Variants in STAMBPL1 observed in about 807,000 individuals in gnomAD.
STAMBPL1 encodes AMSH-like protease.
A neutral mutation model predicts 52.9 loss-of-function variants in STAMBPL1; 44 were observed. The ratio of observed to expected loss-of-function variants is 0.83; its 90% CI spans 0.65 to 1.07. The LOEUF is 1.07. Ranked by LOEUF, STAMBPL1 falls within the 50% of genes least tolerant of loss-of-function variation. The pLI, the probability that STAMBPL1 is intolerant of heterozygous loss-of-function variation, is 0.00. For missense variants in STAMBPL1, 511 were observed against 520.8 expected (o/e 0.98, Z 0.18); for synonymous variants, 164 against 177.3 (o/e 0.92, Z 0.60).
rs768230437 is a variant in STAMBPL1, at chr10:88,913,420, G to A, written c.740G>A (p.Arg247Lys). ...NYASHSPPVN[R>K]ALTPAATLSA... Reference sequence around the variant, plus strand: ...GCTAGCCACTCTCCTCCTGTAAACAGGGCCTTAACGCCAGCTGCTACTCTA... The same window carrying A: ...GCTAGCCACTCTCCTCCTGTAAACAAGGCCTTAACGCCAGCTGCTACTCTA... Residue 247 changes from arginine (R) to lysine (K), a missense_variant, in exon 6 of 11, where the codon AGG (arginine) becomes AAG (lysine). By Grantham distance (26) the Arg-to-Lys change is conservative. Transcript: ENST00000371926. The A allele has an allele frequency of 1.9e-6, 3 of 1,613,484 alleles. No homozygotes were observed. Among genetic ancestry groups the A allele is most frequent in the South Asian group, 2.2e-5 (2 of 91,040 alleles).
At chr10:88,896,987 G>A (rs12243282) in intron 1 of STAMBPL1, among the ~76,000 whole-genome samples, 8,246 of 152,222 alleles carry the variant, frequency 0.054, 578 homozygotes, top group African/African-American at 0.16. Flanking sequence ...TGCATTGTTT[G>A]CTGCTGATTT....
intron 1 of STAMBPL1, among the ~76,000 whole-genome samples, chr10:88,895,096 C>T (rs1844779985): frequency 6.6e-6 from 1 of 152,212 alleles, no homozygotes. Context: ...GCTCATTCCA[C>T]CCTTGGGTTC....
At chr10:88,913,548 A>C in intron 6 of STAMBPL1, 90 bp downstream of exon 6, 1 of 1,140,112 alleles carries the variant, frequency 8.8e-7, no homozygotes, top group Admixed American at 2.3e-5. Context: ...TTCTCATTTC[A>C]TTATTAATTG....
chr10:88,897,285 A>G (rs1844835907), intron 1 of STAMBPL1, among the ~76,000 whole-genome samples: 1 of 152,158 alleles, frequency 6.6e-6, no homozygotes, highest in Non-Finnish European at 1.5e-5. Context: ...GTTGGCCTCC[A>G]TGTGCTCATT....
Position 88,921,181 on chromosome 10 carries a change from T to C in STAMBPL1, c.1042-102T>C, listed in dbSNP as rs777609125. On this transcript the variant is annotated intron_variant, in intron 8 of 10. Transcript: ENST00000371926. ...TTTTTAAAAATCCTTATTTGATTAATGATGGTAAAAACTAAAAAAAAACAG... is the reference window on the plus strand; with the variant it reads ...TTTTTAAAAATCCTTATTTGATTAACGATGGTAAAAACTAAAAAAAAACAG... 121 of 824,808 alleles carry C rather than the reference T, an allele frequency of 1.5e-4. 2 individuals are homozygous for C. Among genetic ancestry groups the C allele is most frequent in the Admixed American group, 5.1e-4 (20 of 38,950 alleles). The allele number at this position is 824,808 out of a possible 1,614,324, so 51.1% of individuals were successfully genotyped here.
At chr10:88,895,133 T>C (rs1844781373) in intron 1 of STAMBPL1, among the ~76,000 whole-genome samples, 1 of 152,234 alleles carries the variant, frequency 6.6e-6, no homozygotes, top group Non-Finnish European at 1.5e-5. Flanking sequence ...CTGGCTGTCC[T>C]TGGACTTGAC....
intron 9 of STAMBPL1, 106 bp from the exon 10 acceptor site, chr10:88,922,231 C>A (rs368494592): frequency 1.9e-6 from 2 of 1,056,184 alleles, no homozygotes; most frequent in African/African-American, 1.6e-5. Flanking sequence ...TTTGTGATTT[C>A]TCAATCCCAT....
In STAMBPL1 at chr10:88,901,746, A is replaced by C; in HGVS notation, c.30+8A>C. 1 of 1,611,424 alleles carries C rather than the reference A, an allele frequency of 6.2e-7. No individual in the cohort carries two copies. The highest frequency in any genetic ancestry group is 8.5e-7 in the Non-Finnish European group (1 of 1,178,914). ...TTTACTGTGAATTCTCTGGTAGGTCACACCAGCTGATATCTAACATTTGGT... is the reference window on the plus strand; with the variant it reads ...TTTACTGTGAATTCTCTGGTAGGTCCCACCAGCTGATATCTAACATTTGGT... On this transcript the variant is annotated splice_region_variant and intron_variant, in intron 2 of 10. Transcript: ENST00000371926.
At chr10:88,897,161 C>CAGAGG (rs1419789057) in intron 1 of STAMBPL1, among the ~76,000 whole-genome samples, 9 of 152,104 alleles carry the variant, frequency 5.9e-5, no homozygotes, top group African/African-American at 2.2e-4. Flanking sequence ...GGATACTTAC[C>CAGAGG]CCCTCCCAGG....
chr10:88,923,283 C>A lies in STAMBPL1; in HGVS notation c.*59C>A. The A allele has an allele frequency of 6.6e-7, 1 of 1,512,964 alleles. No individual in the cohort carries two copies. The highest frequency in any genetic ancestry group is 8.8e-7 in the Non-Finnish European group (1 of 1,135,708). 93.7% of individuals were successfully genotyped at this position (1,512,964 alleles called of 1,614,324 possible). ...CACCTACTCATGGACATGTGGTTGCCGGATTTTCTTAAGATGTTTCCAGAA... is the reference window on the plus strand; with the variant it reads ...CACCTACTCATGGACATGTGGTTGCAGGATTTTCTTAAGATGTTTCCAGAA... On this transcript the variant is annotated 3_prime_UTR_variant, in exon 11 of 11. Transcript: ENST00000371926.
At chr10:88,886,323 A>G (rs1037069115) in intron 1 of STAMBPL1, among the ~76,000 whole-genome samples, 6 of 152,202 alleles carry the variant, frequency 3.9e-5, no homozygotes, top group Non-Finnish European at 7.3e-5. Context: ...GCATGCAAGT[A>G]TAAAACACTA....
At chr10:88,918,403 G>A (rs1056813966) in intron 8 of STAMBPL1, among the ~76,000 whole-genome samples, 1 of 151,972 alleles carries the variant, frequency 6.6e-6, no homozygotes, top group Non-Finnish European at 1.5e-5. Flanking sequence ...AAATTACTAT[G>A]TGCTATCAGT....
chr10:88,913,846 A>G (rs1026910820), intron 6 of STAMBPL1, among the ~76,000 whole-genome samples: 2 of 152,200 alleles, frequency 1.3e-5, no homozygotes, highest in African/African-American at 4.8e-5. Context: ...ACCTTTGCTC[A>G]GCAATAAATG....
At chr10:88,902,033 G>T (rs942210773) in intron 2 of STAMBPL1, among the ~76,000 whole-genome samples, 9 of 152,170 alleles carry the variant, frequency 5.9e-5, no homozygotes, top group Non-Finnish European at 1.3e-4. Flanking sequence ...TGATATCTGA[G>T]GAGCTACTTA....
In STAMBPL1 at chr10:88,921,361, G is replaced by A. The variant is rs778313555; in HGVS notation, c.1120G>A (p.Ala374Thr). 1.2e-6 allele frequency: 2 copies of A among 1,613,256 alleles called. No individual in the cohort carries two copies. The highest frequency in any genetic ancestry group is 2.2e-5 in the East Asian group (1 of 44,870). ...HCSYQLMLPE[A>T]IAIVCSPKHK... ...TTCCTATCAACTCATGTTGCCAGAGGCCATTGCCATTGTTTGCTCACCAAA... is the reference window on the plus strand; with the variant it reads ...TTCCTATCAACTCATGTTGCCAGAGACCATTGCCATTGTTTGCTCACCAAA... The change falls in exon 9 of 11, where the codon GCC (alanine) becomes ACC (threonine). Residue 374 changes from alanine to threonine, a missense_variant. Ala to Thr is a moderately conservative substitution (Grantham distance 58, BLOSUM62 0). Transcript: ENST00000371926.
intron 1 of STAMBPL1, among the ~76,000 whole-genome samples, chr10:88,890,956 A>T (rs1844665892): frequency 6.6e-6 from 1 of 152,202 alleles, no homozygotes. Context: ...ATGTGTGTTT[A>T]ATAAATATGT....
chr10:88,898,966 G>A (rs1036633980), intron 1 of STAMBPL1, among the ~76,000 whole-genome samples: 1 of 152,226 alleles, frequency 6.6e-6, no homozygotes, highest in Non-Finnish European at 1.5e-5. Flanking sequence ...CATGGCGGCT[G>A]CACATCGTTC....
At chr10:88,904,904 T>C (rs1564627513) in intron 2 of STAMBPL1, among the ~76,000 whole-genome samples, 1 of 152,048 alleles carries the variant, frequency 6.6e-6, no homozygotes, top group Non-Finnish European at 1.5e-5. Context: ...CAGGACTTAC[T>C]TGTGGGTTGT....
intron 2 of STAMBPL1, among the ~76,000 whole-genome samples, chr10:88,903,572 T>C (rs1844999678): frequency 6.6e-6 from 1 of 152,242 alleles, no homozygotes; most frequent in South Asian, 2.1e-4. Flanking sequence ...GGAACCCCCT[T>C]TAGAGAACAT....
Sources: allele counts gnomAD v4.1 joint callset (sites outside exome capture counted in the v4.1 genomes callset), GRCh38; gene constraint gnomAD v4.1.1; transcripts MANE v1.5; gene names NCBI Gene and HGNC (gene_info 2026-07-23, HGNC 2026-07-21).